The following PCSK2 variants were observed in gnomAD, a reference collection of about 807,000 sequenced individuals.
PCSK2 encodes neuroendocrine convertase 2.
PCSK2 carries 14 observed loss-of-function variants against 69.7 expected under a neutral mutation model. That is an observed-to-expected ratio of 0.20 (90% confidence interval 0.13 to 0.31). The LOEUF is 0.31. Ranked by LOEUF, PCSK2 falls within the 10% of genes least tolerant of loss-of-function variation. The pLI is 1.00. For missense variants in PCSK2, 544 were observed against 842.5 expected (o/e 0.65, Z 4.39); for synonymous variants, 307 against 320.7 (o/e 0.96, Z 0.46).
At chr20:17,319,421 A>G (rs965717021) in intron 2 of PCSK2, among the ~76,000 whole-genome samples, 3 of 152,186 alleles carry the variant, frequency 2.0e-5, no homozygotes, top group South Asian at 2.1e-4. Flanking sequence ...CCTCACTCAC[A>G]TTTCTGGTTT....
At chr20:17,450,017 CTTTTTTTTTTTTTTTT>C (rs61156656) in intron 8 of PCSK2, among the ~76,000 whole-genome samples, 2 of 61,834 alleles carry the variant, frequency 3.2e-5, no homozygotes, top group South Asian at 8.0e-4. Context: ...AATTTCTTCC[CTTTTTTTTTTTTTTTT>C]TTTTTTTTTT....
intron 2 of PCSK2, among the ~76,000 whole-genome samples, chr20:17,335,224 G>C (rs12480656): frequency 0.61 from 92,866 of 151,524 alleles, 29,477 homozygotes; most frequent in East Asian, 0.97. Flanking sequence ...CAACAGGGCT[G>C]GATGTCCAAG....
intron 2 of PCSK2, among the ~76,000 whole-genome samples, chr20:17,332,742 A>G (rs1990237495): frequency 6.6e-6 from 1 of 152,122 alleles, no homozygotes; most frequent in Non-Finnish European, 1.5e-5. Flanking sequence ...ACACCAAGAA[A>G]CTGAGCTGTG....
chr20:17,401,009 C>T (rs970996022), intron 5 of PCSK2, among the ~76,000 whole-genome samples: 10 of 152,076 alleles, frequency 6.6e-5, no homozygotes, highest in Admixed American at 6.6e-5. Context: ...GGAAGAATAT[C>T]TTTAGGGTAG....
intron 8 of PCSK2, among the ~76,000 whole-genome samples, chr20:17,441,060 G>A (rs912377957): frequency 3.9e-5 from 6 of 152,086 alleles, no homozygotes; most frequent in African/African-American, 1.4e-4. Flanking sequence ...GCTTCTCCCC[G>A]GTTTCGTGGC....
At chr20:17,348,868 T>G (rs1287158881) in intron 2 of PCSK2, among the ~76,000 whole-genome samples, 1 of 152,078 alleles carries the variant, frequency 6.6e-6, no homozygotes, top group East Asian at 1.9e-4. Context: ...GCAACCTCAT[T>G]CTGAGGTACT....
rs1210841179 is a variant in PCSK2, at chr20:17,453,593, G to C, written c.886-149G>C. The C allele has an allele frequency of 9.9e-6, 6 of 607,984 alleles. No individual in the cohort carries two copies. Among genetic ancestry groups the C allele is most frequent in the Non-Finnish European group, 1.6e-5 (6 of 382,584 alleles). 37.7% of individuals were successfully genotyped at this position (607,984 alleles called of 1,614,324 possible). On this transcript the variant is annotated intron_variant, in intron 8 of 11. Coordinates refer to ENST00000262545, the MANE Select transcript of PCSK2 (RefSeq NM_002594.5). This position sits in a 1 kb window ranked among gnomAD's most constrained non-coding sequence, Gnocchi z 4.0. ...AAAAGTTTCCCACAATGCCCTGCCA[G>C]AAGGATATGGTGTCCAACCCAGTTT...
chr20:17,456,270 T>C, intron 9 of PCSK2, 78 bp from the exon 10 acceptor site: 1 of 756,986 alleles, frequency 1.3e-6, no homozygotes, highest in Non-Finnish European at 2.3e-6. Flanking sequence ...AAGGAGTAGA[T>C]AATCCCCTGC....
chr20:17,438,946 C>T (rs912232850), intron 8 of PCSK2, among the ~76,000 whole-genome samples: 3 of 152,210 alleles, frequency 2.0e-5, no homozygotes, highest in Non-Finnish European at 4.4e-5. Flanking sequence ...CAGGTTGCTC[C>T]TGAGAGCCCT....
At position 17,483,464 on chromosome 20, in the gene PCSK2, C is replaced by T. The variant is rs2033446027; in HGVS notation, c.*1394C>T. The stretch of plus-strand genomic sequence containing the variant: ...ACCTACCCAGAGATTGCTTCTCATC[C>T]CCAGTCCCAATGCACATCCATTCCC... On this transcript the variant is annotated 3_prime_UTR_variant, in exon 12 of 12. Transcript: ENST00000262545. The T allele has an allele frequency of 6.6e-6, 1 of 152,288 alleles. No individual in the cohort carries two copies. Among genetic ancestry groups the T allele is most frequent in the South Asian group, 2.1e-4 (1 of 4,826 alleles). 9.4% of individuals were successfully genotyped at this position (152,288 alleles called of 1,614,324 possible).
Position 17,366,260 on chromosome 20 carries a change from A to C in PCSK2, c.506-2980A>C, listed in dbSNP as rs1185242743. Among the ~76,000 whole-genome samples the C allele has an allele frequency of 4.6e-5, 7 of 152,198 alleles. No individual in the cohort carries two copies. In the East Asian group the frequency reaches 1.3e-3, roughly 29 times the overall value. On this transcript the variant is annotated intron_variant, in intron 4 of 11. Transcript: ENST00000262545. ...CCAGGACTGTCACCGCTTCCTGAGA[A>C]TTGGGACTATTGTGGATTAGACTTT...
chr20:17,452,900 C>G (rs1263667588), intron 8 of PCSK2, among the ~76,000 whole-genome samples: 1 of 152,176 alleles, frequency 6.6e-6, no homozygotes, highest in Non-Finnish European at 1.5e-5. Context: ...GGAGAAGAGC[C>G]ATGCTAACTG....
chr20:17,287,441 G>A (rs1988554488), intron 2 of PCSK2, among the ~76,000 whole-genome samples: 1 of 150,380 alleles, frequency 6.6e-6, no homozygotes, highest in African/African-American at 2.4e-5. Context: ...CTGTGTGTGT[G>A]TGTGTGTGTG....
chr20:17,372,223 C>T (rs1462260628), intron 5 of PCSK2, among the ~76,000 whole-genome samples: 4 of 151,900 alleles, frequency 2.6e-5, no homozygotes, highest in African/African-American at 9.7e-5. Context: ...ACTAAAAATA[C>T]AAGAAATTAG....
intron 2 of PCSK2, among the ~76,000 whole-genome samples, chr20:17,302,484 T>C (rs1466582064): frequency 6.6e-6 from 1 of 152,216 alleles, no homozygotes; most frequent in Admixed American, 6.5e-5. Flanking sequence ...CACCCCTTGG[T>C]AGCTCTTTCA....
chr20:17,412,868 A>G (rs1257902145), intron 6 of PCSK2, among the ~76,000 whole-genome samples: 2 of 152,154 alleles, frequency 1.3e-5, no homozygotes, highest in Non-Finnish European at 2.9e-5. Flanking sequence ...GAGAGTGGGG[A>G]CCAATATTCA....
intron 6 of PCSK2, among the ~76,000 whole-genome samples, chr20:17,423,736 A>T (rs1323925761): frequency 4.6e-5 from 7 of 152,252 alleles, no homozygotes; most frequent in Non-Finnish European, 1.0e-4. Context: ...CTTAATATAG[A>T]AAATTTGTAA....
intron 4 of PCSK2, among the ~76,000 whole-genome samples, chr20:17,364,325 C>T (rs1220681612): frequency 6.6e-6 from 1 of 152,198 alleles, no homozygotes. Context: ...AGGGTGACTG[C>T]TCCAGTTACT....
intron 1 of PCSK2, among the ~76,000 whole-genome samples, chr20:17,236,277 T>A (rs1233605231): frequency 6.6e-6 from 1 of 152,138 alleles, no homozygotes; most frequent in East Asian, 1.9e-4. Flanking sequence ...CAGATAAATA[T>A]GCTATACAAA....
Sources: allele counts gnomAD v4.1 joint callset (sites outside exome capture counted in the v4.1 genomes callset), GRCh38; gene constraint gnomAD v4.1.1; non-coding constraint Gnocchi (gnomAD v3.1); transcripts MANE v1.5; gene names NCBI Gene and HGNC (gene_info 2026-07-23, HGNC 2026-07-21).